Variants in RYR3 observed in about 807,000 individuals in gnomAD.
RYR3 encodes the protein brain ryanodine receptor-calcium release channel.
A neutral mutation model predicts 584.3 loss-of-function variants in RYR3; 207 were observed. That is an observed-to-expected ratio of 0.35 (90% CI 0.32 to 0.40). RYR3 has a LOEUF of 0.40. Among genes scored for constraint, RYR3 ranks in the 10% least tolerant of loss-of-function variants. The pLI, the probability that RYR3 is intolerant of heterozygous loss-of-function variation, is 1.00. For missense variants in RYR3, 5,616 were observed against 6,089.2 expected, an observed-to-expected ratio of 0.92 and a Z score of 2.59; for synonymous variants, 2,416 against 2,248.5, an observed-to-expected ratio of 1.07 and a Z score of -2.11.
chr15:33,788,120 G>C lies in RYR3; in HGVS notation c.9590-98G>C, dbSNP rs554448951. 224 of 1,469,212 alleles carry C rather than the reference G, an allele frequency of 1.5e-4. 1 individual carries two copies. The Middle Eastern group carries it at 4.0e-3, about 26-fold the overall frequency. 91.0% of individuals were successfully genotyped at this position (1,469,212 alleles called of 1,614,324 possible). A position where few individuals can be genotyped will look rare whatever the true frequency, so the allele number is the denominator to read the frequency against. ...GAACAAGGGGCAGGTGCCATCCTGA[G>C]TCGATGGGATTCCACGGCCTCACCT... is the stretch of plus-strand genomic sequence containing the variant. On this transcript the variant is annotated intron_variant, in intron 66 of 103. Transcript: ENST00000634891.
At chr15:33,588,933 T>C (rs2058990969) in intron 16 of RYR3, among the ~76,000 whole-genome samples, 1 of 152,240 alleles carries the variant, frequency 6.6e-6, no homozygotes, top group African/African-American at 2.4e-5. Flanking sequence ...TGCAGATATC[T>C]TTTTGATATA....
At chr15:33,615,546 T>C (rs905859275) in intron 19 of RYR3, among the ~76,000 whole-genome samples, 1 of 152,198 alleles carries the variant, frequency 6.6e-6, no homozygotes, top group Admixed American at 6.5e-5. Context: ...AAGTTATATA[T>C]TGGCATTGTT....
intron 43 of RYR3, among the ~76,000 whole-genome samples, chr15:33,709,476 G>C (rs953000944): frequency 6.6e-6 from 1 of 152,208 alleles, no homozygotes; most frequent in Non-Finnish European, 1.5e-5. Context: ...CCCCTAAAAA[G>C]CATGTTTTAG....
At chr15:33,740,050 T>G in intron 51 of RYR3, 55 bp downstream of exon 51, 1 of 1,508,458 alleles carries the variant, frequency 6.6e-7, no homozygotes, top group Non-Finnish European at 9.2e-7. Flanking sequence ...TAGCCAATGT[T>G]TTCTTCCAGA....
chr15:33,368,011 A>G (rs1975742364), intron 1 of RYR3, among the ~76,000 whole-genome samples: 1 of 152,170 alleles, frequency 6.6e-6, no homozygotes, highest in African/African-American at 2.4e-5. Context: ...TAGCATTGTA[A>G]ATGGGAAGGA....
chr15:33,737,299 T>C (rs1382305839), intron 49 of RYR3, among the ~76,000 whole-genome samples: 1 of 152,144 alleles, frequency 6.6e-6, no homozygotes, highest in Non-Finnish European at 1.5e-5. Flanking sequence ...GGTTTTCTCA[T>C]AAATTACAAA....
chr15:33,453,819 A>C (rs1374978244), intron 1 of RYR3, among the ~76,000 whole-genome samples: 1 of 152,218 alleles, frequency 6.6e-6, no homozygotes, highest in Non-Finnish European at 1.5e-5. Flanking sequence ...GTTAATTTAC[A>C]ATCAAGGAAC....
chr15:33,826,209 A>T (rs745540808), intron 82 of RYR3, 43 bp from the exon 83 acceptor site: 1 of 1,596,152 alleles, frequency 6.3e-7, no homozygotes, highest in Non-Finnish European at 8.6e-7. Context: ...TGATGTTTAC[A>T]GTTTTCTTAC....
chr15:33,776,802 A>G (rs1200411173), intron 64 of RYR3, among the ~76,000 whole-genome samples: 7 of 152,210 alleles, frequency 4.6e-5, no homozygotes, highest in Non-Finnish European at 1.0e-4. Context: ...ATCCCTAACA[A>G]TCGATTTTGA....
At chr15:33,449,675 T>C (rs2046951306) in intron 1 of RYR3, among the ~76,000 whole-genome samples, 1 of 152,236 alleles carries the variant, frequency 6.6e-6, no homozygotes, top group South Asian at 2.1e-4. Context: ...TAATGAAACC[T>C]GAAAGAATTC....
At chr15:33,734,285 GAC>G (rs1305550303) in intron 48 of RYR3, among the ~76,000 whole-genome samples, 2 of 152,164 alleles carry the variant, frequency 1.3e-5, no homozygotes, top group Non-Finnish European at 2.9e-5. Context: ...TTTCAAGAGA[GAC>G]AAATTTCAGT....
At chr15:33,843,626 C>T (rs1303237797) in intron 92 of RYR3, 52 bp downstream of exon 92, 2 of 1,123,104 alleles carry the variant, frequency 1.8e-6, no homozygotes, top group Admixed American at 2.1e-5. Context: ...ACTAAGTATG[C>T]TATGTGTAGA....
chr15:33,337,934 A>ATTTTTTT (rs199625940), intron 1 of RYR3, among the ~76,000 whole-genome samples: 3,904 of 113,048 alleles, frequency 0.035, 385 homozygotes, highest in Non-Finnish European at 0.052. Context: ...ATTTTAGGAG[A>ATTTTTTT]TTTTTTTTTT....
intron 52 of RYR3, 118 bp from the exon 53 acceptor site, chr15:33,745,950 C>G (rs999765821): frequency 1.4e-6 from 1 of 716,948 alleles, no homozygotes; most frequent in Non-Finnish European, 2.5e-6. Flanking sequence ...AGGAGAATTT[C>G]TAAGCCCTGT....
intron 31 of RYR3, 35 bp downstream of exon 31, chr15:33,649,270 G>A (rs769776189): frequency 9.4e-6 from 15 of 1,590,184 alleles, no homozygotes; most frequent in East Asian, 9.0e-5. Context: ...GTTAGCCATC[G>A]GGCTTCTCAG....
In RYR3 at chr15:33,757,491, T is replaced by C; in HGVS notation, c.8600T>C (p.Val2867Ala). The stretch of plus-strand genomic sequence containing the variant: ...GTTTCCCAGGTTCTCCTCCCGCTGG[T>C]TGACCAGTACTTCACCAGTCATTGC... ...KFFAKVLLPL[V>A]DQYFTSHCLY... The change falls in exon 60 of 104, where the codon GTT (valine) becomes GCT (alanine). Residue 2867 changes from valine (V) to alanine (A), a missense_variant. Physicochemically the swap from Val to Ala is moderately conservative, Grantham distance 64. This residue lies in a region of RYR3 where 1,280 missense variants were observed against 1,426.2 expected (regional missense o/e 0.90). Transcript: ENST00000634891. 3 of 1,608,482 alleles carry C rather than the reference T, an allele frequency of 1.9e-6. No individual in the cohort carries two copies. The highest frequency in any genetic ancestry group is 2.5e-6 in the Non-Finnish European group (3 of 1,177,674).
chr15:33,729,682 A>T (rs958482784), intron 47 of RYR3, among the ~76,000 whole-genome samples: 1 of 152,152 alleles, frequency 6.6e-6, no homozygotes, highest in Non-Finnish European at 1.5e-5. Flanking sequence ...CAAAGCTCAG[A>T]TACGAGATGC....
At chr15:33,830,891 C>G in intron 85 of RYR3, 72 bp from the exon 86 acceptor site, 1 of 1,522,288 alleles carries the variant, frequency 6.6e-7, no homozygotes, top group Non-Finnish European at 8.9e-7. Context: ...ATCATGTACC[C>G]TTCCCAAACA....
In RYR3 at chr15:33,603,223, GCAGAGCC is replaced by G; in HGVS notation, c.2026_2032del (p.Glu676HisfsTer59). The G allele has an allele frequency of 6.2e-7, 1 of 1,613,936 alleles. No individual in the cohort carries two copies. Among genetic ancestry groups the G allele is most frequent in the Non-Finnish European group, 8.5e-7 (1 of 1,179,856 alleles). On this transcript the variant is annotated frameshift_variant, in exon 18 of 104. Coordinates refer to ENST00000634891, the MANE Select transcript of RYR3 (RefSeq NM_001036.6). LOFTEE classifies it high-confidence loss of function. The stretch of plus-strand genomic sequence containing the variant: ...CGACCAGGTGGACCCCTTCCTAACA[GCAGAGCC>G]CACACATCTGCGGGTGGGCTGGGCC...
Sources: gnomAD v4.1 joint callset for allele counts (sites outside exome capture counted in the v4.1 genomes callset) on GRCh38, gnomAD v4.1.1 for gene constraint, gnomAD v4.1.1 regional missense constraint, MANE v1.5 for transcripts, NCBI Gene and HGNC (gene_info 2026-07-23, HGNC 2026-07-21) for gene names.